Variants in ENTREP2 observed in about 807,000 individuals in gnomAD.
ENTREP2 encodes endosomal transmembrane epsin interactor 2, also known as protein ENTREP2.
At chr15:29,225,326 C>G in the ENTREP2 span, among the ~76,000 whole-genome samples, 1 of 152,242 alleles carries the variant, frequency 6.6e-6, no homozygotes, top group African/African-American at 2.4e-5. Flanking sequence ...CAGGAGAAGT[C>G]CCGCCCAAGA....
At chr15:29,130,953 G>C in the ENTREP2 span, among the ~76,000 whole-genome samples, 2 of 152,214 alleles carry the variant, frequency 1.3e-5, no homozygotes, top group Non-Finnish European at 2.9e-5. Context: ...GGAGAGCGGG[G>C]AGAGGGCTGT....
At chr15:29,576,805 C>CTTGTTT in the ENTREP2 span, among the ~76,000 whole-genome samples, 1 of 152,100 alleles carries the variant, frequency 6.6e-6, no homozygotes, top group African/African-American at 2.4e-5. Context: ...ATATTATTAA[C>CTTGTTT]TTGTTTTTGT....
the ENTREP2 span, among the ~76,000 whole-genome samples, chr15:29,172,259 G>A: frequency 1.3e-5 from 2 of 152,178 alleles, no homozygotes; most frequent in African/African-American, 4.8e-5. Flanking sequence ...CCATCGTGAT[G>A]TACTGATTTA....
the ENTREP2 span, among the ~76,000 whole-genome samples, chr15:29,309,646 C>T: frequency 9.1e-6 from 1 of 109,682 alleles, no homozygotes; most frequent in African/African-American, 6.7e-5. Flanking sequence ...AAAAATTAGT[C>T]GTGTGTGGTG....
chr15:29,125,744 C>T, the ENTREP2 span, among the ~76,000 whole-genome samples: 1,040 of 152,328 alleles, frequency 6.8e-3, 5 homozygotes, highest in Middle Eastern at 0.01. Context: ...CAAATTCCTG[C>T]GCTGCTGGCC....
the ENTREP2 span, among the ~76,000 whole-genome samples, chr15:29,180,200 G>A: frequency 6.6e-6 from 1 of 152,040 alleles, no homozygotes; most frequent in Non-Finnish European, 1.5e-5. Flanking sequence ...CAGATCTAAT[G>A]GACATGTACC....
the ENTREP2 span, among the ~76,000 whole-genome samples, chr15:29,187,156 G>C: frequency 1.3e-5 from 2 of 152,072 alleles, no homozygotes; most frequent in Non-Finnish European, 2.9e-5. Flanking sequence ...CAAAATAATG[G>C]CTCTCTTTCA....
chr15:29,641,066 A>G, the ENTREP2 span, among the ~76,000 whole-genome samples: 1 of 152,222 alleles, frequency 6.6e-6, no homozygotes, highest in East Asian at 1.9e-4. Flanking sequence ...ACAATAAAGG[A>G]AAAAACACAC....
At chr15:29,251,247 G>A in the ENTREP2 span, among the ~76,000 whole-genome samples, 2 of 152,198 alleles carry the variant, frequency 1.3e-5, no homozygotes, top group East Asian at 1.9e-4. Flanking sequence ...ACAAAGAAAC[G>A]AAGGCCCATG....
the ENTREP2 span, among the ~76,000 whole-genome samples, chr15:29,570,939 CGCCGCGCCGCCCGCCCGCCG>C: frequency 5.5e-5 from 8 of 144,886 alleles, 1 homozygote; most frequent in African/African-American, 2.0e-4. Context: ...ATGCCGCCGC[CGCCGCGCCGCCCGCCCGCCG>C]GCCGCGCCGC....
the ENTREP2 span, among the ~76,000 whole-genome samples, chr15:29,398,577 A>G: frequency 4.6e-5 from 7 of 152,038 alleles, no homozygotes; most frequent in Non-Finnish European, 8.8e-5. Flanking sequence ...TACAAAAATC[A>G]GCTGAGTGTG....
chr15:29,665,440 T>A, the ENTREP2 span, among the ~76,000 whole-genome samples: 1 of 152,196 alleles, frequency 6.6e-6, no homozygotes, highest in African/African-American at 2.4e-5. Flanking sequence ...CACAGATCAT[T>A]CATGGTGGGT....
chr15:29,452,840 G>A, the ENTREP2 span: 2 of 152,114 alleles, frequency 1.3e-5, no homozygotes, highest in Non-Finnish European at 2.9e-5. Flanking sequence ...GGGGAGTAAA[G>A]AGCAGCCATA....
chr15:29,411,396 G>A, the ENTREP2 span, among the ~76,000 whole-genome samples: 1 of 152,082 alleles, frequency 6.6e-6, no homozygotes, highest in Non-Finnish European at 1.5e-5. Context: ...TCTAGTAGGT[G>A]TAAACGATTT....
the ENTREP2 span, among the ~76,000 whole-genome samples, chr15:29,446,191 C>T: frequency 6.6e-6 from 1 of 152,206 alleles, no homozygotes; most frequent in Non-Finnish European, 1.5e-5. Flanking sequence ...GGACTTCTGG[C>T]TCCAGAACTG....
the ENTREP2 span, among the ~76,000 whole-genome samples, chr15:29,201,633 T>A: frequency 5.1e-3 from 779 of 152,318 alleles, 8 homozygotes; most frequent in African/African-American, 0.017. Flanking sequence ...CTCTTGGCAA[T>A]GATGTATATA....
chr15:29,405,935 T>A, the ENTREP2 span, among the ~76,000 whole-genome samples: 1 of 152,330 alleles, frequency 6.6e-6, no homozygotes, highest in African/African-American at 2.4e-5. Context: ...GCAAGTTCAA[T>A]ATAGAACAAG....
chr15:29,223,908 A>C, the ENTREP2 span, among the ~76,000 whole-genome samples: 1 of 151,578 alleles, frequency 6.6e-6, no homozygotes, highest in African/African-American at 2.4e-5. Context: ...CACATGAAGT[A>C]AAGTCTGAAG....
chr15:29,610,919 T>G, the ENTREP2 span: 1 of 152,210 alleles, frequency 6.6e-6, no homozygotes, highest in Admixed American at 6.5e-5. Context: ...TTCTACTCTT[T>G]CTGATCATCC....
Sources: gnomAD v4.1 joint callset for allele counts (sites outside exome capture counted in the v4.1 genomes callset) on GRCh38, gnomAD v4.1.1 for gene constraint, MANE v1.5 for transcripts, NCBI Gene and HGNC (gene_info 2026-07-23, HGNC 2026-07-21) for gene names.